Variants in TCF20 observed in about 807,000 individuals in gnomAD.
The protein encoded by TCF20 is transcription factor 20, also known as SPRE-binding protein.
A neutral mutation model predicts 148.6 loss-of-function variants in TCF20; 3 were observed. That is an observed-to-expected ratio of 0.02 (90% CI 0.01 to 0.05). The LOEUF is 0.05. Among genes scored for constraint, TCF20 ranks in the 10% least tolerant of loss-of-function variants. The pLI, the probability that TCF20 is intolerant of heterozygous loss-of-function variation, is 1.00. For missense variants in TCF20, 2,350 were observed against 2,429.3 expected (o/e 0.97, Z 0.69); for synonymous variants, 1,049 against 909.5 (o/e 1.15, Z -2.76).
chr22:42,210,267 T>C lies in TCF20; in HGVS notation c.5039A>G (p.Lys1680Arg). The change falls in exon 2 of 6, where the codon AAG becomes AGG. Residue 1680 changes from lysine (K) to arginine (R), a missense_variant. Lys to Arg is a conservative substitution (Grantham distance 26, BLOSUM62 2). Transcript: ENST00000677622. This position sits in a 1 kb window ranked among gnomAD's most constrained non-coding sequence, Gnocchi z 4.7. ...CATAAAGGACGAGGCCGGGAGCGCCTTGCTTTCAGTGCTGCTAGGTGGAGG... is the reference window on the plus strand; with the variant it reads ...CATAAAGGACGAGGCCGGGAGCGCCCTGCTTTCAGTGCTGCTAGGTGGAGG... The part of the protein sequence containing the change: ...LTPPPSSTES[K>R]ALPASSFMLQ... The C allele has an allele frequency of 6.2e-7, 1 of 1,614,188 alleles. No individual in the cohort carries two copies. The highest frequency in any genetic ancestry group is 8.5e-7 in the Non-Finnish European group (1 of 1,180,048).
At chr22:42,235,247 G>C (rs924820950) in intron 1 of TCF20, among the ~76,000 whole-genome samples, 11 of 151,930 alleles carry the variant, frequency 7.2e-5, no homozygotes, top group African/African-American at 2.7e-4. Flanking sequence ...AAATGTAACA[G>C]ACACTGAGAC....
rs754587682 is a variant in TCF20 at position 42,212,422 on chromosome 22, G to A, written c.2884C>T (p.Arg962Cys). ...GCTGCTCCAGGGCTGGCATTGCCGC[G>A]GTAAGACTCATGCTTGATGCTAGGA... The part of the protein sequence containing the change: ...HPPSIKHESY[R>C]GNASPGAATH... Residue 962 changes from arginine (R) to cysteine (C), a missense_variant, in exon 2 of 6, where the codon CGC becomes TGC. By Grantham distance (180) the Arg-to-Cys change is radical (BLOSUM62 -3). Coordinates refer to ENST00000677622, the MANE Select transcript of TCF20 (RefSeq NM_001378418.1). 1.9e-5 allele frequency: 31 copies of A among 1,614,070 alleles called. 1 individual carries two copies. The South Asian group carries it at 2.2e-4, about 11-fold the overall frequency.
At chr22:42,180,195 G>C (rs1455280728) in intron 2 of TCF20, among the ~76,000 whole-genome samples, 1 of 152,168 alleles carries the variant, frequency 6.6e-6, no homozygotes, top group Non-Finnish European at 1.5e-5. Flanking sequence ...GTATTTGTAA[G>C]AAGATTTTAT....
intron 1 of TCF20, among the ~76,000 whole-genome samples, chr22:42,248,835 T>C (rs1471680028): frequency 6.6e-6 from 1 of 152,208 alleles, no homozygotes; most frequent in Non-Finnish European, 1.5e-5. Flanking sequence ...GGAAATTAAG[T>C]ATGGTTTAAG....
intron 1 of TCF20, among the ~76,000 whole-genome samples, chr22:42,254,017 G>A (rs142250657): frequency 7.0e-4 from 105 of 150,684 alleles, no homozygotes; most frequent in African/African-American, 2.5e-3. Flanking sequence ...CGGAGGTTGC[G>A]GTGAGCTGAG....
chr22:42,335,312 T>C (rs549084924), intron 1 of TCF20, among the ~76,000 whole-genome samples: 1 of 152,098 alleles, frequency 6.6e-6, no homozygotes, highest in East Asian at 1.9e-4. Context: ...CCCCTGCACC[T>C]CCCACTCTCT....
chr22:42,258,215 A>T (rs1418901533), intron 1 of TCF20, among the ~76,000 whole-genome samples: 2 of 152,156 alleles, frequency 1.3e-5, no homozygotes, highest in Non-Finnish European at 2.9e-5. Context: ...CTTGGCAGGA[A>T]GTTTCTTAAA....
chr22:42,323,975 T>C (rs1927803066), intron 1 of TCF20, among the ~76,000 whole-genome samples: 1 of 131,616 alleles, frequency 7.6e-6, no homozygotes, highest in Non-Finnish European at 1.6e-5. Flanking sequence ...GTGATGGTGG[T>C]GGTGGAGGTT....
intron 2 of TCF20, among the ~76,000 whole-genome samples, chr22:42,203,795 T>G (rs766363995): frequency 6.6e-6 from 1 of 151,706 alleles, no homozygotes; most frequent in African/African-American, 2.4e-5. Flanking sequence ...AGTGTGGGAA[T>G]GTGAGAAAGG....
intron 2 of TCF20, among the ~76,000 whole-genome samples, chr22:42,206,480 T>C (rs1938395501): frequency 7.4e-6 from 1 of 135,910 alleles, no homozygotes; most frequent in South Asian, 2.1e-4. Context: ...GAACTCAACT[T>C]TGACAAGAGG....
At chr22:42,225,238 C>T (rs916381125) in intron 1 of TCF20, among the ~76,000 whole-genome samples, 5 of 152,062 alleles carry the variant, frequency 3.3e-5, no homozygotes, top group African/African-American at 4.8e-5. Flanking sequence ...TCAAGTGATC[C>T]ACCTGTCTTG....
chr22:42,209,581 C>G, intron 2 of TCF20, 70 bp downstream of exon 2: 2 of 1,507,796 alleles, frequency 1.3e-6, no homozygotes. Context: ...CATGTAAGAA[C>G]AAAAACATGC....
In TCF20 at chr22:42,211,583, G is replaced by A. The variant is rs761028044; in HGVS notation, c.3723C>T (p.Gly1241=). The part of the protein sequence containing the change: ...KPGSVMLRLP[G]QEDHSSQNPL... ...GGTTTTGAGAAGAATGATCCTCCTG[G>A]CCTGGAAGTCTCAGCATAACACTAC... is the stretch of plus-strand genomic sequence containing the variant. Residue 1241 remains glycine (G), a synonymous_variant, in exon 2 of 6, where the codon GGC becomes GGT. Transcript: ENST00000677622. 6.2e-7 allele frequency: 1 copy of A among 1,614,164 alleles called. No homozygotes were observed.
chr22:42,307,563 A>G (rs564605049), intron 1 of TCF20, among the ~76,000 whole-genome samples: 108 of 152,344 alleles, frequency 7.1e-4, no homozygotes, highest in African/African-American at 2.6e-3. Flanking sequence ...GGGCATGTAC[A>G]TTCTGAAGCA....
intron 1 of TCF20, among the ~76,000 whole-genome samples, chr22:42,281,826 A>G (rs1193063045): frequency 6.6e-6 from 1 of 152,128 alleles, no homozygotes; most frequent in African/African-American, 2.4e-5. Flanking sequence ...TGTTCCTCTG[A>G]GCTCTAGGAA....
chr22:42,221,143 G>A (rs191687650), intron 1 of TCF20, among the ~76,000 whole-genome samples: 5 of 152,214 alleles, frequency 3.3e-5, no homozygotes, highest in African/African-American at 1.2e-4. Context: ...GTGCAAGAGA[G>A]ATTTAGAAGG....
chr22:42,295,337 T>A (rs1292499039), intron 1 of TCF20, among the ~76,000 whole-genome samples: 1 of 152,088 alleles, frequency 6.6e-6, no homozygotes, highest in African/African-American at 2.4e-5. Context: ...TCCCCACCGC[T>A]GGGCTGCCTT....
chr22:42,212,439 A>T lies in TCF20; in HGVS notation c.2867T>A (p.Ile956Asn), dbSNP rs775427067. The T allele has an allele frequency of 2.5e-6, 4 of 1,614,234 alleles. No homozygotes were observed. Among genetic ancestry groups the T allele is most frequent in the Non-Finnish European group, 3.4e-6 (4 of 1,180,044 alleles). ...ATTGCCGCGGTAAGACTCATGCTTG[A>T]TGCTAGGAGGATGGCAGTGGTCTCC... ...KSGDHCHPPSIKHESYRGNAS... is the reference protein window; with the variant it reads ...KSGDHCHPPSNKHESYRGNAS... The change falls in exon 2 of 6, where the codon ATC becomes AAC. Residue 956 changes from isoleucine (I) to asparagine (N), a missense_variant. Around this residue, in one of 7 missense-constraint regions of TCF20, gnomAD observed 1,641 missense variants for 1,662.6 expected, o/e 0.99. Coordinates refer to ENST00000677622, the MANE Select transcript of TCF20 (RefSeq NM_001378418.1).
chr22:42,180,192 TAAG>T (rs1396439859), intron 2 of TCF20, among the ~76,000 whole-genome samples: 5 of 152,234 alleles, frequency 3.3e-5, no homozygotes, highest in South Asian at 4.1e-4. Context: ...CTTGTATTTG[TAAG>T]AAGATTTTAT....
Sources: gnomAD v4.1 joint callset for allele counts (sites outside exome capture counted in the v4.1 genomes callset) on GRCh38, gnomAD v4.1.1 for gene constraint, gnomAD v4.1.1 regional missense constraint, Gnocchi (gnomAD v3.1) non-coding constraint, MANE v1.5 for transcripts, NCBI Gene and HGNC (gene_info 2026-07-23, HGNC 2026-07-21) for gene names.